CTNNA3: variants seen among roughly 807,000 people sequenced by gnomAD.
CTNNA3 encodes catenin alpha-3.
A neutral mutation model predicts 95.7 loss-of-function variants in CTNNA3; 76 were observed. That is an observed-to-expected ratio of 0.79 (90% CI 0.66 to 0.96). The LOEUF (loss-of-function observed/expected upper bound fraction) is 0.96. Among genes scored for constraint, CTNNA3 ranks in the 40% least tolerant of loss-of-function variants. The probability of loss-of-function intolerance (pLI) is 0.00; values close to 1 mark genes in which losing one functional copy is unlikely to be tolerated. For missense variants in CTNNA3, 1,191 were observed against 1,089.8 expected (o/e 1.09, Z -1.31); for synonymous variants, 431 against 374.4 (o/e 1.15, Z -1.74).
At chr10:67,763,349 T>C (rs1171721282) in intron 1 of CTNNA3, among the ~76,000 whole-genome samples, 1 of 152,166 alleles carries the variant, frequency 6.6e-6, no homozygotes, top group East Asian at 1.9e-4. Context: ...TTCTGCTCTC[T>C]TCCACAATTA....
intron 5 of CTNNA3, among the ~76,000 whole-genome samples, chr10:67,349,679 T>G (rs930527845): frequency 6.6e-6 from 1 of 152,110 alleles, no homozygotes; most frequent in Non-Finnish European, 1.5e-5. Flanking sequence ...CTTAAAAAAT[T>G]TGTTGAAAGT....
At chr10:67,139,299 A>ATTTTTTT (rs60290459) in intron 7 of CTNNA3, among the ~76,000 whole-genome samples, 126 of 117,802 alleles carry the variant, frequency 1.1e-3, no homozygotes, top group African/African-American at 1.8e-3. Flanking sequence ...CGCCCGGCTA[A>ATTTTTTT]TTTTTTTTTT....
intron 5 of CTNNA3, among the ~76,000 whole-genome samples, chr10:67,403,894 C>T (rs1489478318): frequency 6.6e-6 from 1 of 152,184 alleles, no homozygotes; most frequent in African/African-American, 2.4e-5. Flanking sequence ...GCAGCCTTCA[C>T]CGGTAATACC....
intron 13 of CTNNA3, among the ~76,000 whole-genome samples, chr10:66,132,237 A>C (rs2083140813): frequency 1.3e-5 from 2 of 152,340 alleles, no homozygotes; most frequent in South Asian, 4.1e-4. Flanking sequence ...CCCATTGAAA[A>C]GTGGACATGA....
chr10:67,155,355 T>G (rs1343919702), intron 7 of CTNNA3, among the ~76,000 whole-genome samples: 1 of 152,196 alleles, frequency 6.6e-6, no homozygotes, highest in African/African-American at 2.4e-5. Context: ...AAGTTAGCAT[T>G]TTAACTAGCT....
chr10:66,076,654 T>C (rs1393108623), intron 14 of CTNNA3, among the ~76,000 whole-genome samples: 1 of 151,740 alleles, frequency 6.6e-6, no homozygotes, highest in African/African-American at 2.4e-5. Context: ...TAAAACTTTA[T>C]AGGCTTCAGG....
Position 67,565,755 on chromosome 10 carries a change from A to G in CTNNA3, c.293-26086T>C, listed in dbSNP as rs935117220. Among the ~76,000 whole-genome samples the G allele has an allele frequency of 1.4e-4, 21 of 150,354 alleles. No homozygotes were observed. The East Asian group carries it at 4.2e-3, about 30-fold the overall frequency. On this transcript the variant is annotated intron_variant, in intron 3 of 17. Coordinates refer to ENST00000433211, the MANE Select transcript of CTNNA3 (RefSeq NM_013266.4). The stretch of plus-strand genomic sequence containing the variant: ...AAAACCCTTATATTCTGTTGGTAGA[A>G]ATATAAATTAGTACAGCCTCTATGG...
At chr10:67,132,626 G>A (rs1307472355) in intron 7 of CTNNA3, among the ~76,000 whole-genome samples, 2 of 151,900 alleles carry the variant, frequency 1.3e-5, no homozygotes, top group South Asian at 2.1e-4. Flanking sequence ...TGGAAAAGAA[G>A]GTTATCAAGG....
intron 1 of CTNNA3, among the ~76,000 whole-genome samples, chr10:67,687,198 G>A (rs1564829083): frequency 6.6e-6 from 1 of 152,124 alleles, no homozygotes; most frequent in African/African-American, 2.4e-5. Flanking sequence ...GCCCTCAATG[G>A]TTAAACATAC....
At chr10:66,768,356 C>G (rs1839949357) in intron 8 of CTNNA3, among the ~76,000 whole-genome samples, 1 of 151,968 alleles carries the variant, frequency 6.6e-6, no homozygotes, top group Admixed American at 6.6e-5. Flanking sequence ...GTGGATGAGA[C>G]CATATAGAGT....
At chr10:66,309,903 CAAAAAATAAATA>C (rs1444814157) in intron 12 of CTNNA3, among the ~76,000 whole-genome samples, 20 of 120,666 alleles carry the variant, frequency 1.7e-4, no homozygotes, top group African/African-American at 5.8e-4. Context: ...ACCAAAGATA[CAAAAAATAAATA>C]AATAAATAAA....
chr10:67,043,591 G>A (rs1854544447), intron 7 of CTNNA3, among the ~76,000 whole-genome samples: 1 of 152,078 alleles, frequency 6.6e-6, no homozygotes, highest in Admixed American at 6.6e-5. Flanking sequence ...TCATTGATGT[G>A]CTGATCGTTC....
intron 1 of CTNNA3, chr10:67,648,666 T>G: frequency 9.4e-7 from 1 of 1,061,476 alleles, no homozygotes; most frequent in Non-Finnish European, 1.2e-6. Context: ...CAAATCAAAG[T>G]TTCAAATTAC....
chr10:67,728,444 A>G (rs1292696331), intron 1 of CTNNA3, among the ~76,000 whole-genome samples: 9 of 150,152 alleles, frequency 6.0e-5, no homozygotes, highest in African/African-American at 2.2e-4. Context: ...ATATGTGTAT[A>G]TATATTATAG....
chr10:67,014,194 T>C (rs1852513004), intron 7 of CTNNA3, among the ~76,000 whole-genome samples: 1 of 152,220 alleles, frequency 6.6e-6, no homozygotes, highest in Non-Finnish European at 1.5e-5. Flanking sequence ...ATGCATGCTT[T>C]AGTGCTTCAC....
intron 7 of CTNNA3, among the ~76,000 whole-genome samples, chr10:67,179,280 T>C (rs973583185): frequency 6.6e-6 from 1 of 151,982 alleles, no homozygotes; most frequent in Non-Finnish European, 1.5e-5. Flanking sequence ...GGAATCTTCA[T>C]AATCAATATA....
intron 7 of CTNNA3, among the ~76,000 whole-genome samples, chr10:67,110,223 T>C (rs947669582): frequency 6.6e-6 from 1 of 152,196 alleles, no homozygotes; most frequent in Admixed American, 6.5e-5. Flanking sequence ...TTGAATTTAT[T>C]TTTATATGTG....
intron 11 of CTNNA3, among the ~76,000 whole-genome samples, chr10:66,446,772 G>A (rs1223635082): frequency 1.3e-5 from 2 of 152,000 alleles, no homozygotes; most frequent in Non-Finnish European, 2.9e-5. Flanking sequence ...CACAAGACAG[G>A]GATGCCCTCT....
intron 10 of CTNNA3, among the ~76,000 whole-genome samples, chr10:66,564,959 G>T (rs1842661132): frequency 6.6e-6 from 1 of 152,112 alleles, no homozygotes; most frequent in Admixed American, 6.6e-5. Context: ...TGTATCTTTG[G>T]CTATTTCCAC....
Sources: allele counts gnomAD v4.1 joint callset (sites outside exome capture counted in the v4.1 genomes callset), GRCh38; gene constraint gnomAD v4.1.1; transcripts MANE v1.5; gene names NCBI Gene and HGNC (gene_info 2026-07-23, HGNC 2026-07-21).